SLC15A1: variants seen among roughly 807,000 people sequenced by gnomAD.
SLC15A1 encodes Caco-2 oligopeptide transporter.
In SLC15A1, 83 loss-of-function variants were observed where a neutral mutation model predicts 92.9. That is an observed-to-expected ratio of 0.89 (90% confidence interval 0.75 to 1.07). SLC15A1 has a LOEUF of 1.07. Ranked by LOEUF, SLC15A1 falls within the 50% of genes least tolerant of loss-of-function variation. SLC15A1 has a pLI of 0.00. For synonymous variants in SLC15A1, 322 were observed against 318.2 expected, an observed-to-expected ratio of 1.01 and a Z score of -0.13; for missense variants, 857 against 880.1, an observed-to-expected ratio of 0.97 and a Z score of 0.33.
At chr13:98,729,146 A>G (rs1404469179) in intron 1 of SLC15A1, among the ~76,000 whole-genome samples, 1 of 151,744 alleles carries the variant, frequency 6.6e-6, no homozygotes, top group East Asian at 1.9e-4. Flanking sequence ...TTGTATTAAT[A>G]TTAATATTAA....
At chr13:98,697,443 G>A (rs1314673426) in intron 18 of SLC15A1, among the ~76,000 whole-genome samples, 4 of 151,902 alleles carry the variant, frequency 2.6e-5, no homozygotes, top group African/African-American at 9.7e-5. Context: ...AGGAAACAAA[G>A]AAGAGGAACG....
intron 22 of SLC15A1, 105 bp from the exon 23 acceptor site, chr13:98,685,020 T>C: frequency 2.0e-6 from 2 of 1,017,144 alleles, no homozygotes; most frequent in Non-Finnish European, 2.8e-6. Flanking sequence ...AGATGGAGAG[T>C]GCTTTGAAAT....
chr13:98,695,614 A>C (rs2088015508), intron 18 of SLC15A1, among the ~76,000 whole-genome samples: 1 of 152,010 alleles, frequency 6.6e-6, no homozygotes, highest in Admixed American at 6.5e-5. Flanking sequence ...GCTGGTCTCA[A>C]ACTCCTGACC....
At chr13:98,745,578 C>T (rs1444964083) in intron 1 of SLC15A1, among the ~76,000 whole-genome samples, 2 of 152,086 alleles carry the variant, frequency 1.3e-5, no homozygotes, top group Non-Finnish European at 2.9e-5. Flanking sequence ...GATGGGCTGG[C>T]AGAGACGGCA....
intron 5 of SLC15A1, among the ~76,000 whole-genome samples, chr13:98,722,492 AT>A (rs1436793122): frequency 6.6e-6 from 1 of 151,384 alleles, no homozygotes; most frequent in Non-Finnish European, 1.5e-5. Flanking sequence ...TTGAAAAAAA[AT>A]TCATAGCATT....
intron 1 of SLC15A1, among the ~76,000 whole-genome samples, chr13:98,740,940 C>T (rs1320864317): frequency 1.3e-5 from 2 of 152,220 alleles, no homozygotes; most frequent in Non-Finnish European, 1.5e-5. Context: ...AGAAATTCAG[C>T]GCCTATAACC....
At chr13:98,721,724 A>G (rs2088260273) in intron 6 of SLC15A1, 80 bp downstream of exon 6, 1 of 1,411,836 alleles carries the variant, frequency 7.1e-7, no homozygotes, top group Admixed American at 1.9e-5. Context: ...TCCGATGTAG[A>G]ACAGACTTTG....
intron 1 of SLC15A1, among the ~76,000 whole-genome samples, chr13:98,740,672 A>T (rs968014616): frequency 1.3e-5 from 2 of 152,164 alleles, no homozygotes; most frequent in African/African-American, 4.8e-5. Flanking sequence ...CCTGTAGCAT[A>T]GGTTGTCTCT....
intron 8 of SLC15A1, among the ~76,000 whole-genome samples, chr13:98,718,003 T>C (rs530813217): frequency 1.0e-4 from 15 of 149,552 alleles, no homozygotes; most frequent in African/African-American, 2.9e-4. Flanking sequence ...AATAGACATA[T>C]ATGTTCTGTC....
chr13:98,745,901 G>T (rs1284241986), intron 1 of SLC15A1, among the ~76,000 whole-genome samples: 2 of 151,716 alleles, frequency 1.3e-5, no homozygotes, highest in Admixed American at 6.6e-5. Context: ...TCGATTTTAG[G>T]GGTACATGTG....
intron 18 of SLC15A1, among the ~76,000 whole-genome samples, chr13:98,696,064 C>T (rs1194776075): frequency 6.6e-6 from 1 of 151,458 alleles, no homozygotes; most frequent in Non-Finnish European, 1.5e-5. Flanking sequence ...TCAAGTGTTG[C>T]TAATCTCGTG....
intron 17 of SLC15A1, among the ~76,000 whole-genome samples, chr13:98,703,920 G>A (rs528892877): frequency 6.6e-6 from 1 of 151,870 alleles, no homozygotes; most frequent in Non-Finnish European, 1.5e-5. Context: ...ACTATTTAGT[G>A]CAAATTTTTA....
intron 18 of SLC15A1, among the ~76,000 whole-genome samples, chr13:98,691,335 G>A (rs754607821): frequency 5.3e-5 from 8 of 152,136 alleles, no homozygotes; most frequent in Non-Finnish European, 1.2e-4. Context: ...CATCACACCC[G>A]GCCACTTCAT....
intron 1 of SLC15A1, among the ~76,000 whole-genome samples, chr13:98,747,028 G>GC (rs993452975): frequency 3.4e-4 from 52 of 151,704 alleles, no homozygotes; most frequent in South Asian, 1.0e-3. Flanking sequence ...AAGAGGTGTG[G>GC]CCCCCCCCAC....
At position 98,747,564 on chromosome 13, in the gene SLC15A1, G is replaced by A. The variant is rs545745515; in HGVS notation, c.4+5031C>T. 1.3e-4 allele frequency among the ~76,000 whole-genome samples: 20 copies of A among 152,236 alleles called. No individual in the cohort carries two copies. The South Asian group carries it at 4.1e-3, about 32-fold the overall frequency. ...TCATGGAATGGTTCAGTAACTCAAA[G>A]GGCAGTAGAAAAAAATTATTAATCA... On this transcript the variant is annotated intron_variant, in intron 1 of 22. Coordinates refer to ENST00000376503, the MANE Select transcript of SLC15A1 (RefSeq NM_005073.4).
chr13:98,725,414 C>T (rs2088290511), intron 4 of SLC15A1, among the ~76,000 whole-genome samples: 1 of 152,114 alleles, frequency 6.6e-6, no homozygotes, highest in African/African-American at 2.4e-5. Flanking sequence ...GGCTGGGTGA[C>T]TTCTCTCTTT....
chr13:98,747,498 T>C (rs895297972), intron 1 of SLC15A1, among the ~76,000 whole-genome samples: 9 of 152,140 alleles, frequency 5.9e-5, no homozygotes, highest in African/African-American at 2.2e-4. Context: ...GGAGGATTCC[T>C]GGTAGCTCAA....
Position 98,706,263 on chromosome 13 carries a change from A to G in SLC15A1, c.1150-10T>C, listed in dbSNP as rs150050510. The G allele has an allele frequency of 6.5e-4, 1,039 of 1,610,508 alleles. 6 individuals are homozygous for G. In the African/African-American group the frequency reaches 0.01, roughly 16 times the overall value. ...AGACTGGAAGAGTTTTCTGAGCAAA[A>G]TAAAAGAAAATTGGCAGTGAGGTCT... is the stretch of plus-strand genomic sequence containing the variant. On this transcript the variant is annotated splice_polypyrimidine_tract_variant and intron_variant, in intron 15 of 22. Coordinates refer to ENST00000376503, the MANE Select transcript of SLC15A1 (RefSeq NM_005073.4).
chr13:98,684,876 C>T lies in SLC15A1; in HGVS notation c.1975G>A (p.Val659Ile), dbSNP rs367765684. ...GCCATGATGGCAAAAATTACACAGA[C>T]GACCAGAAGCAACGCGGCAAATAGA... The part of the protein sequence containing the change: ...YILFAALLLV[V>I]CVIFAIMARF... The change falls in exon 23 of 23, where the codon GTC becomes ATC. Residue 659 changes from valine to isoleucine, a missense_variant. Physicochemically the swap from Val to Ile is conservative, Grantham distance 29. Transcript: ENST00000376503. 95 of 1,613,994 alleles carry T rather than the reference C, an allele frequency of 5.9e-5. No individual in the cohort carries two copies. The highest frequency in any genetic ancestry group is 4.2e-4 in the East Asian group (19 of 44,884).
Sources: allele counts gnomAD v4.1 joint callset (sites outside exome capture counted in the v4.1 genomes callset), GRCh38; gene constraint gnomAD v4.1.1; transcripts MANE v1.5; gene names NCBI Gene and HGNC (gene_info 2026-07-23, HGNC 2026-07-21).